TRPM5: variants seen among roughly 807,000 people sequenced by gnomAD.
TRPM5 encodes the protein transient receptor potential cation channel subfamily M member 5.
Under a neutral mutation model 124.9 loss-of-function variants are expected in TRPM5, and 121 were observed. That is an observed-to-expected ratio of 0.97 (90% CI 0.84 to 1.13). TRPM5 has a LOEUF of 1.13. Ranked by LOEUF, TRPM5 falls within the 50% of genes most tolerant of loss-of-function variation. TRPM5 has a pLI of 0.00. For missense variants in TRPM5, 1,643 were observed against 1,589.1 expected, an observed-to-expected ratio of 1.03 and a Z score of -0.58; for synonymous variants, 781 against 700.5, an observed-to-expected ratio of 1.11 and a Z score of -1.81.
the TRPM5 span, among the ~76,000 whole-genome samples, chr11:2,441,401 C>T: frequency 4.6e-5 from 7 of 152,058 alleles, no homozygotes; most frequent in East Asian, 1.9e-4. The surrounding 1 kb of genome is among the most constrained non-coding windows in gnomAD (Gnocchi z 7.2). Flanking sequence ...ACCCTTACTC[C>T]CCCACCCTCA....
exon 4 of TRPM5, chr11:2,420,285 C>T: frequency 6.2e-7 from 1 of 1,612,356 alleles, no homozygotes; most frequent in Non-Finnish European, 8.5e-7. Flanking sequence ...TCCGTCAGCC[C>T]ATCGCCCTTC....
intron 7 of TRPM5, 38 bp from the exon 13 acceptor site, chr11:2,416,062 C>G: frequency 6.7e-7 from 1 of 1,495,944 alleles, no homozygotes; most frequent in Non-Finnish European, 9.2e-7. Flanking sequence ...GAGGGTGGAG[C>G]TGAGGGCCTC....
At chr11:2,407,038 A>C (rs1589865279) in intron 20 of TRPM5, 81 bp downstream of exon 25, 1 of 1,439,862 alleles carries the variant, frequency 6.9e-7, no homozygotes, top group Non-Finnish European at 9.1e-7. Context: ...GTCTCTCCAG[A>C]CCTGCCTCCA....
rs1235859534 is a variant in TRPM5 at position 2,405,053 on chromosome 11, A to G, written c.3392-10T>C. ...CCACAGTGCTGAGAGCCTGCTGGGA[A>G]GGAAGGCCCCCCTGAGCGGTGGGAA... On this transcript the variant is annotated splice_polypyrimidine_tract_variant and intron_variant, in intron 23 of 23. Coordinates refer to ENST00000155858, the Ensembl canonical transcript of TRPM5. The G allele has an allele frequency of 1.1e-5, 17 of 1,610,178 alleles. No homozygotes were observed. Among genetic ancestry groups the G allele is most frequent in the Non-Finnish European group, 1.4e-5 (17 of 1,178,158 alleles).
At chr11:2,416,092 TC>T in intron 7 of TRPM5, 68 bp from the exon 13 acceptor site, 1 of 1,214,142 alleles carries the variant, frequency 8.2e-7, no homozygotes. Context: ...GGGCACAGGG[TC>T]CCCAAAGGTG....
the TRPM5 span, among the ~76,000 whole-genome samples, chr11:2,433,145 C>A: frequency 9.8e-5 from 15 of 152,360 alleles, no homozygotes; most frequent in Non-Finnish European, 1.5e-4. Context: ...GGGAGGGCAA[C>A]CTTGACCCCA....
At chr11:2,442,690 G>A in the TRPM5 span, among the ~76,000 whole-genome samples, 1 of 152,214 alleles carries the variant, frequency 6.6e-6, no homozygotes, top group Non-Finnish European at 1.5e-5. The surrounding 1 kb of genome is among the most constrained non-coding windows in gnomAD (Gnocchi z 5.9). Flanking sequence ...TTCTACCAGT[G>A]ATGAGGAGTG....
At chr11:2,415,538 C>T (rs1444809804) in intron 8 of TRPM5, 67 bp from the exon 14 acceptor site, 1 of 1,134,342 alleles carries the variant, frequency 8.8e-7, no homozygotes, top group Non-Finnish European at 1.2e-6. Flanking sequence ...AGGAGGGGGT[C>T]CAAGGAAGGA....
Position 2,420,527 on chromosome 11 carries a change from C to G in TRPM5, c.466-122G>C, listed in dbSNP as rs545939330. The G allele has an allele frequency of 9.7e-6, 10 of 1,026,538 alleles. No homozygotes were observed. In the Admixed American group the frequency reaches 1.5e-4, roughly 15 times the overall value. The allele number at this position is 1,026,538 out of a possible 1,614,324, so 63.6% of individuals were successfully genotyped here. ...ATGGGGCCCCGCACAAGGCTTCTGC[C>G]CGAGCCTTGGTTTCCCCACCCTTCA... On this transcript the variant is annotated intron_variant, in intron 3 of 23. Transcript: ENST00000155858.
chr11:2,433,547 C>T, the TRPM5 span, among the ~76,000 whole-genome samples: 11 of 152,092 alleles, frequency 7.2e-5, no homozygotes. Flanking sequence ...GGAGCGGGCA[C>T]TGGGCCAGTG....
intron 3 of TRPM5, 107 bp downstream of exon 8, chr11:2,420,925 C>T: frequency 7.8e-7 from 1 of 1,279,142 alleles, no homozygotes; most frequent in Non-Finnish European, 1.0e-6. Flanking sequence ...CCTGCTCTTC[C>T]TCCAGCTCGA....
At chr11:2,421,037 C>A in exon 3 of TRPM5, 1 of 1,541,286 alleles carries the variant, frequency 6.5e-7, no homozygotes. Flanking sequence ...TGCACCTGGG[C>A]CTCCTCCAGA....
chr11:2,420,252 G>A (rs1473111415), exon 4 of TRPM5: 11 of 1,609,262 alleles, frequency 6.8e-6, no homozygotes, highest in Non-Finnish European at 9.3e-6. Context: ...TCCGAGATGT[G>A]CTTCTCCAGC....
chr11:2,404,171 C>T (rs1850265858), downstream of TRPM5, among the ~76,000 whole-genome samples: 1 of 152,176 alleles, frequency 6.6e-6, no homozygotes, highest in African/African-American at 2.4e-5. Context: ...CAGACCACAG[C>T]TTGGGAAGCG....
intron 12 of TRPM5, 52 bp downstream of exon 17, chr11:2,414,009 G>GGGGGCGCCCCC: frequency 2.0e-6 from 2 of 1,023,732 alleles, no homozygotes; most frequent in Non-Finnish European, 2.9e-6. Context: ...GGCCCAGCTC[G>GGGGGCGCCCCC]CCCGCCCACC....
At chr11:2,411,487 A>G (rs777778967) in exon 18 of TRPM5, 61 of 1,610,862 alleles carry the variant, frequency 3.8e-5, no homozygotes, top group Non-Finnish European at 8.5e-7. Flanking sequence ...GCCACGAGCC[A>G]CACGCTCAGA....
At position 2,412,926 on chromosome 11, in the gene TRPM5, C is replaced by T. The variant is rs1421096187; in HGVS notation, c.2183G>A (p.Trp728Ter). The change falls in exon 15 of 24, where the codon TGG becomes TAG. Residue 728 changes from tryptophan to a stop codon, truncating the protein, a stop_gained. Transcript: ENST00000155858. LOFTEE classifies it high-confidence loss of function. ...CAGGAACACAGTCACGGGAGCGCCC[C>T]AGAATTTCCGCCAGCGTGTGAGCAG... The T allele has an allele frequency of 5.0e-6, 8 of 1,600,812 alleles. No homozygotes were observed. Among genetic ancestry groups the T allele is most frequent in the Non-Finnish European group, 6.8e-6 (8 of 1,174,808 alleles).
chr11:2,407,199 G>A, exon 20 of TRPM5: 1 of 1,611,248 alleles, frequency 6.2e-7, no homozygotes, highest in South Asian at 1.1e-5. Context: ...CAGGATGAAG[G>A]GCGGGGCCAG....
intron 17 of TRPM5, 29 bp from the exon 23 acceptor site, chr11:2,411,555 C>G: frequency 6.2e-7 from 1 of 1,607,276 alleles, no homozygotes; most frequent in Non-Finnish European, 8.5e-7. Flanking sequence ...GAGAGAGGGA[C>G]GTCAGCGGCC....
Sources: gnomAD v4.1 joint callset for allele counts (sites outside exome capture counted in the v4.1 genomes callset) on GRCh38, gnomAD v4.1.1 for gene constraint, Gnocchi (gnomAD v3.1) non-coding constraint, MANE v1.5 for transcripts, NCBI Gene and HGNC (gene_info 2026-07-23, HGNC 2026-07-21) for gene names.